MAML3: variants seen among roughly 807,000 people sequenced by gnomAD.
MAML3 encodes the protein mastermind-like protein 3.
MAML3 carries 27 observed loss-of-function variants against 101.9 expected under a neutral mutation model. That is an observed-to-expected ratio of 0.27 (90% confidence interval 0.20 to 0.37). The LOEUF (loss-of-function observed/expected upper bound fraction) is 0.37, where lower values mean the gene tolerates loss of function less well. Ranked by LOEUF, MAML3 falls within the 10% of genes least tolerant of loss-of-function variation. The pLI is 1.00. For synonymous variants in MAML3, 501 were observed against 555.9 expected (o/e 0.90, Z 1.39); for missense variants, 1,316 against 1,444.9 (o/e 0.91, Z 1.45).
chr4:139,835,402 C>T (rs139651539), intron 2 of MAML3, among the ~76,000 whole-genome samples: 15 of 152,288 alleles, frequency 9.8e-5, no homozygotes, highest in South Asian at 2.1e-4. Flanking sequence ...TTATTTGAGG[C>T]GTCCCGAGGC....
intron 1 of MAML3, chr4:140,133,147 G>A (rs1384985103): frequency 2.5e-6 from 1 of 406,912 alleles, no homozygotes; most frequent in Admixed American, 2.8e-5. Flanking sequence ...GTTTGACTAG[G>A]TTTAAATAAA....
At chr4:140,071,071 G>A (rs767564523) in intron 1 of MAML3, among the ~76,000 whole-genome samples, 6 of 152,190 alleles carry the variant, frequency 3.9e-5, no homozygotes, top group Admixed American at 1.3e-4. Flanking sequence ...AGGATCACTC[G>A]CCTAGGTCTC....
At chr4:139,769,316 C>G (rs1729926932) in intron 2 of MAML3, among the ~76,000 whole-genome samples, 1 of 152,160 alleles carries the variant, frequency 6.6e-6, no homozygotes, top group African/African-American at 2.4e-5. Flanking sequence ...GAAGAAGAGT[C>G]AAAACACACT....
chr4:139,934,181 AGTGTGTGTGAAT>A (rs1733461214), intron 1 of MAML3, among the ~76,000 whole-genome samples: 1 of 151,362 alleles, frequency 6.6e-6, no homozygotes, highest in Non-Finnish European at 1.5e-5. Flanking sequence ...TGCATGTCTG[AGTGTGTGTGAAT>A]GTGTGTGTCT....
intron 2 of MAML3, among the ~76,000 whole-genome samples, chr4:139,791,676 A>G (rs1207112601): frequency 6.6e-6 from 1 of 152,208 alleles, no homozygotes; most frequent in Admixed American, 6.5e-5. Flanking sequence ...AGCTTTACTC[A>G]TAATACAGGG....
At chr4:139,829,936 G>T (rs989014113) in intron 2 of MAML3, among the ~76,000 whole-genome samples, 8 of 152,334 alleles carry the variant, frequency 5.3e-5, no homozygotes, top group Admixed American at 2.0e-4. Context: ...GGGTCAGATG[G>T]TCATGTTAAC....
chr4:139,993,036 TG>T (rs1332409269), intron 1 of MAML3, among the ~76,000 whole-genome samples: 4 of 152,206 alleles, frequency 2.6e-5, no homozygotes, highest in Non-Finnish European at 5.9e-5. Context: ...TTCTAATATT[TG>T]GCTGCAAGAG....
chr4:140,090,668 G>T (rs1728029992), intron 1 of MAML3, among the ~76,000 whole-genome samples: 1 of 152,212 alleles, frequency 6.6e-6, no homozygotes, highest in Non-Finnish European at 1.5e-5. Context: ...GCCTAGAAAA[G>T]CTTCATTGAA....
intron 1 of MAML3, among the ~76,000 whole-genome samples, chr4:139,977,051 G>C (rs1460642603): frequency 2.0e-5 from 3 of 152,054 alleles, no homozygotes; most frequent in Non-Finnish European, 2.9e-5. Flanking sequence ...CTCATGAATG[G>C]GATTTGCCCT....
chr4:139,875,913 C>G (rs1036557454), intron 2 of MAML3, among the ~76,000 whole-genome samples: 3 of 45,500 alleles, frequency 6.6e-5, no homozygotes, highest in Admixed American at 3.2e-4. Flanking sequence ...GACTCACAAA[C>G]AGCAAAAAAA....
chr4:139,735,469 C>CG lies in MAML3; in HGVS notation c.2080-4803dup, dbSNP rs1175991213. 9.6e-4 allele frequency among the ~76,000 whole-genome samples: 76 copies of CG among 79,098 alleles called. No individual in the cohort carries two copies. Among genetic ancestry groups the CG allele is most frequent in the East Asian group, 1.8e-3 (5 of 2,736 alleles). The allele number at this position is 79,098 out of a possible 152,430, so 51.9% of individuals were successfully genotyped here. On this transcript the variant is annotated intron_variant, in intron 2 of 4. Coordinates refer to ENST00000509479, the MANE Select transcript of MAML3 (RefSeq NM_018717.5). This position sits in a 1 kb window ranked among gnomAD's most constrained non-coding sequence, Gnocchi z 5.8. ...GGGGTAGGGGGGCAGTGGCGACCTCCGGGGGGGGAGGGTGGCGGACACCAG... is the reference window on the plus strand; with the variant it reads ...GGGGTAGGGGGGCAGTGGCGACCTCCGGGGGGGGGAGGGTGGCGGACACCAG...
At chr4:139,846,808 A>T (rs1322707824) in intron 2 of MAML3, among the ~76,000 whole-genome samples, 2 of 152,178 alleles carry the variant, frequency 1.3e-5, no homozygotes, top group South Asian at 4.1e-4. Context: ...CTTTATTAGG[A>T]TATCCTTTAA....
At chr4:139,951,559 G>A (rs537539980) in intron 1 of MAML3, among the ~76,000 whole-genome samples, 1 of 152,242 alleles carries the variant, frequency 6.6e-6, no homozygotes, top group South Asian at 2.1e-4. Context: ...GACGCATGCA[G>A]AGCTGTGGAG....
intron 1 of MAML3, among the ~76,000 whole-genome samples, chr4:139,937,900 T>A (rs1396285368): frequency 1.3e-5 from 2 of 152,144 alleles, no homozygotes; most frequent in Non-Finnish European, 2.9e-5. Context: ...TTTCCTAGAC[T>A]TCAAAATTTT....
intron 1 of MAML3, among the ~76,000 whole-genome samples, chr4:140,096,935 T>C (rs1728175161): frequency 6.6e-6 from 1 of 152,028 alleles, no homozygotes; most frequent in Non-Finnish European, 1.5e-5. Flanking sequence ...CTGAAGTAGA[T>C]TGCATTTATC....
intron 2 of MAML3, among the ~76,000 whole-genome samples, chr4:139,811,354 G>T (rs951266327): frequency 1.6e-4 from 25 of 152,146 alleles, no homozygotes; most frequent in African/African-American, 5.3e-4. Context: ...AGTGTGGGCT[G>T]GTCTCTTCAG....
intron 1 of MAML3, among the ~76,000 whole-genome samples, chr4:140,082,599 C>T (rs1235972631): frequency 1.3e-5 from 2 of 152,158 alleles, no homozygotes; most frequent in Non-Finnish European, 2.9e-5. Flanking sequence ...CCCCAGCATA[C>T]AGCTCCCGAC....
intron 3 of MAML3, 76 bp from the exon 4 acceptor site, chr4:139,725,911 C>A: frequency 8.1e-7 from 1 of 1,231,874 alleles, no homozygotes. Flanking sequence ...CCAGCAGTTC[C>A]GAGGAAGGTA....
At chr4:139,950,007 C>G (rs1330063994) in intron 1 of MAML3, among the ~76,000 whole-genome samples, 1 of 152,224 alleles carries the variant, frequency 6.6e-6, no homozygotes, top group African/African-American at 2.4e-5. Flanking sequence ...CCTGCCTATG[C>G]TTCCAGCCTG....
Sources: allele counts gnomAD v4.1 joint callset (sites outside exome capture counted in the v4.1 genomes callset), GRCh38; gene constraint gnomAD v4.1.1; non-coding constraint Gnocchi (gnomAD v3.1); transcripts MANE v1.5; gene names NCBI Gene and HGNC (gene_info 2026-07-23, HGNC 2026-07-21).